AGMO: variants seen among roughly 807,000 people sequenced by gnomAD.
AGMO encodes the protein alkylglycerol monooxygenase.
In AGMO, 75 loss-of-function variants were observed where a neutral mutation model predicts 60.2. That is an observed-to-expected ratio of 1.25 (90% CI 1.03 to 1.51). The LOEUF (loss-of-function observed/expected upper bound fraction) is 1.51. Ranked by LOEUF, AGMO falls within the 40% of genes most tolerant of loss-of-function variation. The pLI, the probability that AGMO is intolerant of heterozygous loss-of-function variation, is 0.00. For missense variants in AGMO, 763 were observed against 525.5 expected (o/e 1.45, Z -4.42); for synonymous variants, 261 against 177.1 (o/e 1.47, Z -3.76).
At chr7:15,229,727 AATTATATAT>A (rs1782200683) in intron 12 of AGMO, among the ~76,000 whole-genome samples, 1 of 146,372 alleles carries the variant, frequency 6.8e-6, no homozygotes, top group Non-Finnish European at 1.5e-5. Flanking sequence ...ATTATATATA[AATTATATAT>A]TATAATATAT....
At chr7:15,354,407 C>CAT (rs1782403896) in intron 12 of AGMO, among the ~76,000 whole-genome samples, 2 of 19,272 alleles carry the variant, frequency 1.0e-4, no homozygotes, top group African/African-American at 6.1e-4. Flanking sequence ...CGTGTGTGTA[C>CAT]ACACGTGTGT....
intron 12 of AGMO, among the ~76,000 whole-genome samples, chr7:15,210,460 A>G (rs756804261): frequency 1.2e-4 from 19 of 152,112 alleles, no homozygotes; most frequent in Admixed American, 3.3e-4. Context: ...CACTTTCTGG[A>G]TTTGTTATTT....
At chr7:15,435,314 C>CTT (rs375796651) in intron 3 of AGMO, among the ~76,000 whole-genome samples, 35,238 of 143,248 alleles carry the variant, frequency 0.25, 4,321 homozygotes, top group African/African-American at 0.29. Flanking sequence ...GTGGCTGTGC[C>CTT]TTTTTTTTTT....
At chr7:15,404,616 C>T (rs1784636563) in intron 5 of AGMO, among the ~76,000 whole-genome samples, 1 of 151,730 alleles carries the variant, frequency 6.6e-6, no homozygotes, top group African/African-American at 2.4e-5. Context: ...GTAATAATAA[C>T]ATTATTTTAA....
chr7:15,175,052 A>T, the AGMO span, among the ~76,000 whole-genome samples: 7,224 of 151,928 alleles, frequency 0.048, 561 homozygotes, highest in African/African-American at 0.16. Context: ...TTGCAATAAC[A>T]ACTACTGAAT....
At chr7:15,450,346 G>C (rs913588227) in intron 3 of AGMO, among the ~76,000 whole-genome samples, 1 of 151,604 alleles carries the variant, frequency 6.6e-6, no homozygotes, top group Admixed American at 6.6e-5. Flanking sequence ...CATGAACCCA[G>C]GGGGCAGAGC....
In AGMO at chr7:15,354,431, TGTGTGTATACACACGTGTGTGTA is replaced by T. The variant is rs1782412780; in HGVS notation, c.1263+11060_1263+11082del. Among the ~76,000 whole-genome samples the T allele has an allele frequency of 7.6e-5, 2 of 26,148 alleles. 1 individual carries two copies. The highest frequency in any genetic ancestry group is 1.1e-4 in the Non-Finnish European group (2 of 17,904). 17.2% of individuals were successfully genotyped at this position (26,148 alleles called of 152,430 possible). A position where few individuals can be genotyped will look rare whatever the true frequency, so the allele number is the denominator to read the frequency against. ...ACACACGTGTGTGTATACACACACG[TGTGTGTATACACACGTGTGTGTA>T]TACACACGTGTGTGTATACACACGT... is the stretch of plus-strand genomic sequence containing the variant. On this transcript the variant is annotated intron_variant, in intron 12 of 12. Transcript: ENST00000342526.
chr7:15,386,590 G>C (rs530325083), intron 9 of AGMO, among the ~76,000 whole-genome samples: 1 of 152,236 alleles, frequency 6.6e-6, no homozygotes, highest in South Asian at 2.1e-4. Flanking sequence ...AACTGAATGA[G>C]AAAATGTCAT....
intron 12 of AGMO, among the ~76,000 whole-genome samples, chr7:15,354,425 C>CGCGTGTGTAT (rs1183602241): frequency 1.3e-4 from 3 of 23,198 alleles, no homozygotes; most frequent in Non-Finnish European, 1.9e-4. Context: ...TGTGTATACA[C>CGCGTGTGTAT]ACACGTGTGT....
the AGMO span, among the ~76,000 whole-genome samples, chr7:15,153,018 T>C: frequency 3.3e-5 from 5 of 152,124 alleles, no homozygotes; most frequent in Non-Finnish European, 5.9e-5. Context: ...TATTTTTTGA[T>C]TATGGCCATT....
chr7:15,227,330 G>A (rs931018484), intron 12 of AGMO, among the ~76,000 whole-genome samples: 8 of 151,900 alleles, frequency 5.3e-5, no homozygotes, highest in Admixed American at 3.9e-4. Context: ...GTCCATGTAA[G>A]GCAACGCTGT....
At chr7:15,386,247 AT>A (rs1255103712) in intron 9 of AGMO, among the ~76,000 whole-genome samples, 3 of 152,170 alleles carry the variant, frequency 2.0e-5, no homozygotes, top group African/African-American at 4.8e-5. Flanking sequence ...GAAAAATACT[AT>A]TTTATTGGAA....
At chr7:15,443,347 C>A (rs1276053687) in intron 3 of AGMO, among the ~76,000 whole-genome samples, 1 of 152,160 alleles carries the variant, frequency 6.6e-6, no homozygotes, top group Non-Finnish European at 1.5e-5. Context: ...TCTTCATGTT[C>A]CCCCTAGAGC....
chr7:15,490,481 G>GT (rs1230247130), intron 3 of AGMO, among the ~76,000 whole-genome samples: 2 of 152,056 alleles, frequency 1.3e-5, no homozygotes, highest in Non-Finnish European at 2.9e-5. Context: ...TTGGCCAAAG[G>GT]TTTTTTCTAG....
intron 3 of AGMO, among the ~76,000 whole-genome samples, chr7:15,494,199 C>T (rs1783159256): frequency 6.6e-6 from 1 of 152,076 alleles, no homozygotes; most frequent in South Asian, 2.1e-4. Context: ...AAGAAAGGGG[C>T]TTTCCGCAGG....
rs760154899 is a variant in AGMO at position 15,228,052 on chromosome 7, C to T, written c.1264-26693G>A. 1.4e-3 allele frequency among the ~76,000 whole-genome samples: 218 copies of T among 152,082 alleles called. 1 individual carries two copies. Among genetic ancestry groups the T allele is most frequent in the Non-Finnish European group, 2.8e-3 (192 of 68,010 alleles). ...CAGGGTGCTGCCTGATTCATGAATTCTTATTCATGCATATAAACTCTGCTT... is the reference window on the plus strand; with the variant it reads ...CAGGGTGCTGCCTGATTCATGAATTTTTATTCATGCATATAAACTCTGCTT... On this transcript the variant is annotated intron_variant, in intron 12 of 12. Coordinates refer to ENST00000342526, the MANE Select transcript of AGMO (RefSeq NM_001004320.2).
At chr7:15,415,949 T>C (rs1780755451) in intron 5 of AGMO, among the ~76,000 whole-genome samples, 1 of 151,844 alleles carries the variant, frequency 6.6e-6, no homozygotes, top group Admixed American at 6.6e-5. Flanking sequence ...AGAGTAGAGT[T>C]TCAAGCCAAA....
intron 12 of AGMO, among the ~76,000 whole-genome samples, chr7:15,254,038 TG>T (rs1337623776): frequency 6.6e-6 from 1 of 152,186 alleles, no homozygotes; most frequent in Non-Finnish European, 1.5e-5. Context: ...CAGGCAAATA[TG>T]ATAGAATTTT....
intron 12 of AGMO, among the ~76,000 whole-genome samples, chr7:15,253,476 T>C (rs1179772247): frequency 3.3e-5 from 5 of 152,080 alleles, no homozygotes. Flanking sequence ...AAGAAGAGAA[T>C]GATTTCTGAG....
Sources: gnomAD v4.1 joint callset for allele counts (sites outside exome capture counted in the v4.1 genomes callset) on GRCh38, gnomAD v4.1.1 for gene constraint, MANE v1.5 for transcripts, NCBI Gene and HGNC (gene_info 2026-07-23, HGNC 2026-07-21) for gene names.